UNC13C: variants seen among roughly 807,000 people sequenced by gnomAD.
UNC13C encodes protein unc-13 homolog C.
A neutral mutation model predicts 245.4 loss-of-function variants in UNC13C; 174 were observed. That is an observed-to-expected ratio of 0.71 (90% CI 0.63 to 0.80). UNC13C has a LOEUF of 0.80. Ranked by LOEUF, UNC13C falls within the 30% of genes least tolerant of loss-of-function variation. The pLI, the probability that UNC13C is intolerant of heterozygous loss-of-function variation, is 0.00. For synonymous variants in UNC13C, 992 were observed against 895.1 expected (o/e 1.11, Z -1.93); for missense variants, 2,829 against 2,602.9 (o/e 1.09, Z -1.89).
chr15:54,538,195 G>C (rs950504460), intron 26 of UNC13C, among the ~76,000 whole-genome samples: 3 of 75,840 alleles, frequency 4.0e-5, no homozygotes, highest in Non-Finnish European at 8.3e-5. Context: ...CATATGAGTA[G>C]ACACTTCTCA....
the UNC13C span, among the ~76,000 whole-genome samples, chr15:53,969,085 G>T: frequency 6.6e-6 from 1 of 152,146 alleles, no homozygotes; most frequent in African/African-American, 2.4e-5. Context: ...CAAATGCCTG[G>T]GTTGAGTTTT....
At chr15:53,869,335 C>T in the UNC13C span, among the ~76,000 whole-genome samples, 1 of 152,126 alleles carries the variant, frequency 6.6e-6, no homozygotes, top group Non-Finnish European at 1.5e-5. Context: ...TGGTCATACA[C>T]AGGCATATAC....
At chr15:54,439,141 C>T (rs1301363082) in intron 19 of UNC13C, among the ~76,000 whole-genome samples, 1 of 151,920 alleles carries the variant, frequency 6.6e-6, no homozygotes, top group East Asian at 1.9e-4. Context: ...TCCATCTAAA[C>T]TCAACGCATC....
At chr15:54,598,254 G>T (rs1009080956) in intron 30 of UNC13C, among the ~76,000 whole-genome samples, 2 of 152,052 alleles carry the variant, frequency 1.3e-5, no homozygotes, top group South Asian at 2.1e-4. Context: ...CACCACACCC[G>T]GCTAATTTTT....
intron 23 of UNC13C, among the ~76,000 whole-genome samples, chr15:54,508,428 A>G (rs1037791602): frequency 1.1e-4 from 17 of 152,124 alleles, no homozygotes; most frequent in African/African-American, 4.1e-4. Context: ...TTTACATTTA[A>G]TAAACACTGA....
In UNC13C at chr15:54,573,045, T is replaced by C. The variant is rs562748512; in HGVS notation, c.6106+5098T>C. ...ATAACTTATAATCAATTTTTTTCAC[T>C]ATTTTCAGGCTTTAAGACATACTTC... On this transcript the variant is annotated intron_variant, in intron 30 of 32. Transcript: ENST00000260323. 2.0e-5 allele frequency among the ~76,000 whole-genome samples: 3 copies of C among 152,306 alleles called. No homozygotes were observed. In the East Asian group the frequency reaches 5.8e-4, roughly 29 times the overall value.
chr15:54,461,866 T>C lies in UNC13C; in HGVS notation c.4934-32742T>C, dbSNP rs193123802. Among the ~76,000 whole-genome samples the C allele has an allele frequency of 2.7e-3, 413 of 152,286 alleles. 2 individuals carry two copies. Among genetic ancestry groups the C allele is most frequent in the African/African-American group, 9.1e-3 (379 of 41,560 alleles). On this transcript the variant is annotated intron_variant, in intron 19 of 32. Coordinates refer to ENST00000260323, the MANE Select transcript of UNC13C (RefSeq NM_001080534.3). ...TGAGGAGATTTGAGGGGTTGTTCAA[T>C]GTTTGAAGAAAAAGAAGAATACTGG...
chr15:54,224,140 A>G (rs935659323), intron 4 of UNC13C, among the ~76,000 whole-genome samples: 5 of 151,926 alleles, frequency 3.3e-5, no homozygotes, highest in Non-Finnish European at 7.4e-5. Flanking sequence ...CTTTTGTCTG[A>G]TTACTCCAGC....
At chr15:53,883,642 C>T in the UNC13C span, among the ~76,000 whole-genome samples, 1 of 152,146 alleles carries the variant, frequency 6.6e-6, no homozygotes, top group Non-Finnish European at 1.5e-5. Context: ...CATGTTCTTT[C>T]CCAAGATTAG....
At position 54,076,115 on chromosome 15, in the gene UNC13C, T is replaced by A. The variant is rs539747057; in HGVS notation, c.2983+60229T>A. On this transcript the variant is annotated intron_variant, in intron 2 of 32. Transcript: ENST00000260323. ...CCAGTATTCATATATATATATATTT[T>A]TTTTTATTATACTTTAAGTTTTAGG... Among the ~76,000 whole-genome samples, 691 of 149,564 alleles carry A rather than the reference T, an allele frequency of 4.6e-3. 3 individuals carry two copies. Among genetic ancestry groups the A allele is most frequent in the Non-Finnish European group, 6.4e-3 (427 of 67,234 alleles).
At position 54,500,931 on chromosome 15, in the gene UNC13C, T is replaced by C. The variant is rs1280175490; in HGVS notation, c.5254T>C (p.Cys1752Arg). Reference protein sequence around the residue: ...QSFEIIKKLECPNPEALSHLM... With the variant: ...QSFEIIKKLERPNPEALSHLM... ...CTTTGAAATTATTAAGAAACTGGAA[T>C]GCCCTAATCCTGAAGCATTATCTCA... is the stretch of plus-strand genomic sequence containing the variant. Residue 1752 changes from cysteine (C) to arginine (R), a missense_variant, in exon 22 of 33, where the codon TGC (cysteine) becomes CGC (arginine). By Grantham distance (180) the Cys-to-Arg change is radical. Transcript: ENST00000260323. 2 of 1,612,968 alleles carry C rather than the reference T, an allele frequency of 1.2e-6. No individual in the cohort carries two copies. The highest frequency in any genetic ancestry group is 2.7e-5 in the African/African-American group (2 of 74,878).
the UNC13C span, among the ~76,000 whole-genome samples, chr15:53,921,036 G>T: frequency 6.6e-6 from 1 of 151,970 alleles, no homozygotes; most frequent in African/African-American, 2.4e-5. Context: ...AAAGTAGGGT[G>T]CTAGGTGTTT....
intron 25 of UNC13C, among the ~76,000 whole-genome samples, chr15:54,526,559 G>C (rs146384996): frequency 4.0e-5 from 6 of 151,328 alleles, no homozygotes; most frequent in Admixed American, 1.3e-4. Flanking sequence ...GTGAAACCCC[G>C]TCTCTACTAA....
rs78946490 is a variant in UNC13C at position 54,617,449 on chromosome 15, G to A, written c.6107-4878G>A. Among the ~76,000 whole-genome samples, 436 of 152,082 alleles carry A rather than the reference G, an allele frequency of 2.9e-3. 2 individuals carry two copies. Among genetic ancestry groups the A allele is most frequent in the African/African-American group, 9.7e-3 (404 of 41,522 alleles). ...ATATCTTATAAGTTAGAGATCTGAA[G>A]TCAAATCTCAGCTTTGCTCTTTATT... On this transcript the variant is annotated intron_variant, in intron 30 of 32. Coordinates refer to ENST00000260323, the MANE Select transcript of UNC13C (RefSeq NM_001080534.3).
chr15:54,452,839 T>C (rs943936661), intron 19 of UNC13C, among the ~76,000 whole-genome samples: 1 of 152,162 alleles, frequency 6.6e-6, no homozygotes, highest in Non-Finnish European at 1.5e-5. Context: ...CACTTTTCTA[T>C]GTGCATGAAA....
At position 54,432,202 on chromosome 15, in the gene UNC13C, T is replaced by C. The variant is rs540235264; in HGVS notation, c.4933+17135T>C. Among the ~76,000 whole-genome samples, 3 of 151,718 alleles carry C rather than the reference T, an allele frequency of 2.0e-5. No homozygotes were observed. In the South Asian group the frequency reaches 6.2e-4, roughly 31 times the overall value. ...AGAATCTCTGCCCTAATAGAGTCCA[T>C]AGAGTCAGGGAGATAGGTATTTAAC... is the stretch of plus-strand genomic sequence containing the variant. On this transcript the variant is annotated intron_variant, in intron 19 of 32. Coordinates refer to ENST00000260323, the MANE Select transcript of UNC13C (RefSeq NM_001080534.3).
At chr15:54,076,873 T>C (rs1329951024) in intron 2 of UNC13C, among the ~76,000 whole-genome samples, 1 of 152,248 alleles carries the variant, frequency 6.6e-6, no homozygotes, top group Admixed American at 6.5e-5. Context: ...AGAGTTGAAC[T>C]TAACATTATC....
At chr15:54,162,500 C>T (rs2033015764) in intron 4 of UNC13C, among the ~76,000 whole-genome samples, 1 of 152,148 alleles carries the variant, frequency 6.6e-6, no homozygotes, top group Non-Finnish European at 1.5e-5. Flanking sequence ...TCTCTCTCCC[C>T]ATCAAATACA....
intron 17 of UNC13C, among the ~76,000 whole-genome samples, chr15:54,354,361 C>A (rs2039048093): frequency 6.6e-6 from 1 of 152,142 alleles, no homozygotes; most frequent in Non-Finnish European, 1.5e-5. Context: ...TAACACCATG[C>A]ACTGAAACAC....
Sources: allele counts gnomAD v4.1 joint callset (sites outside exome capture counted in the v4.1 genomes callset), GRCh38; gene constraint gnomAD v4.1.1; transcripts MANE v1.5; gene names NCBI Gene and HGNC (gene_info 2026-07-23, HGNC 2026-07-21).